The following KAZN variants were observed in gnomAD, a reference collection of about 807,000 sequenced individuals.
The protein encoded by KAZN is kazrin, periplakin interacting protein, also known as kazrin.
A neutral mutation model predicts 87.4 loss-of-function variants in KAZN; 40 were observed. The observed-to-expected ratio is 0.46, with a 90% CI of 0.36 to 0.60. KAZN has a LOEUF of 0.60. KAZN is among the 20% of genes least tolerant of loss of function. KAZN has a pLI of 0.00. For synonymous variants in KAZN, 466 were observed against 458.3 expected (o/e 1.02, Z -0.22); for missense variants, 898 against 1,073.9 (o/e 0.84, Z 2.29).
intron 1 of KAZN, among the ~76,000 whole-genome samples, chr1:14,025,790 G>A (rs913235841): frequency 1.3e-5 from 2 of 151,936 alleles, no homozygotes; most frequent in African/African-American, 4.8e-5. Flanking sequence ...CTACCATATT[G>A]GCTCCAGATC....
intron 1 of KAZN, among the ~76,000 whole-genome samples, chr1:14,835,531 A>G (rs1243279411): frequency 1.3e-5 from 2 of 152,160 alleles, no homozygotes; most frequent in Admixed American, 1.3e-4. Context: ...CAACAGCCCC[A>G]GTAAAGTTAT....
chr1:14,142,737 A>G (rs1033282554), intron 1 of KAZN, among the ~76,000 whole-genome samples: 4 of 152,218 alleles, frequency 2.6e-5, no homozygotes, highest in African/African-American at 7.2e-5. Context: ...GGCCCGCTGC[A>G]GCTGGAGGGC....
intron 2 of KAZN, among the ~76,000 whole-genome samples, chr1:14,969,498 C>G (rs1316277281): frequency 6.6e-6 from 1 of 152,258 alleles, no homozygotes; most frequent in African/African-American, 2.4e-5. Flanking sequence ...GTAGAAGACT[C>G]TTTGCTGGTA....
chr1:14,185,518 G>A (rs1252466824), intron 2 of KAZN, among the ~76,000 whole-genome samples: 3 of 152,170 alleles, frequency 2.0e-5, no homozygotes, highest in African/African-American at 7.2e-5. Flanking sequence ...GTTTGCAAAA[G>A]CAATGCTTAT....
intron 1 of KAZN, among the ~76,000 whole-genome samples, chr1:14,863,819 C>T (rs889867800): frequency 6.6e-6 from 1 of 152,046 alleles, no homozygotes; most frequent in African/African-American, 2.4e-5. Flanking sequence ...GGAGTAGGGG[C>T]ACAGAGGCAT....
intron 1 of KAZN, among the ~76,000 whole-genome samples, chr1:14,934,046 G>A (rs1228247432): frequency 3.3e-5 from 5 of 151,550 alleles, no homozygotes; most frequent in Non-Finnish European, 7.4e-5. Flanking sequence ...TAGTAGAGAC[G>A]GGGTTTCACC....
intron 1 of KAZN, among the ~76,000 whole-genome samples, chr1:14,697,356 GAAAAGA>G (rs1641674591): frequency 6.6e-6 from 1 of 151,892 alleles, no homozygotes; most frequent in African/African-American, 2.4e-5. Context: ...TAAAAATAAA[GAAAAGA>G]AAAAGAAAAG....
At chr1:14,438,599 T>C (rs1365766900) in intron 2 of KAZN, among the ~76,000 whole-genome samples, 1 of 152,126 alleles carries the variant, frequency 6.6e-6, no homozygotes, top group Admixed American at 6.5e-5. Context: ...GGCCAGAGTG[T>C]GGTAAACACA....
At chr1:14,076,279 T>C (rs1382775521) in intron 1 of KAZN, among the ~76,000 whole-genome samples, 1 of 146,046 alleles carries the variant, frequency 6.8e-6, no homozygotes, top group Non-Finnish European at 1.5e-5. Flanking sequence ...AGACTCCGTC[T>C]AAAAAAAAAA....
At position 14,581,973 on chromosome 1, in the gene KAZN, G is replaced by A. The variant is rs141360358; in HGVS notation, c.250-17010G>A. 4.7e-3 allele frequency among the ~76,000 whole-genome samples: 712 copies of A among 151,990 alleles called. 4 individuals are homozygous for A. The highest frequency in any genetic ancestry group is 0.034 in the Middle Eastern group (10 of 294). On this transcript the variant is annotated intron_variant, in intron 2 of 16. Transcript: ENST00000636203. ...ACACATTATATACTTACATTTGTAT[G>A]TAGGCATGTCTACCTCGTACCACCC...
Position 14,501,124 on chromosome 1 carries a change from TAAATAAAA to T in KAZN, c.250-97857_250-97850del, listed in dbSNP as rs1449035916. On this transcript the variant is annotated intron_variant, in intron 2 of 16. Transcript: ENST00000636203. ...ATAAATAAATAAATAAATAAATAAATAAATAAAAATAATAATAAAAGCCCACAATTAAC... is the reference window on the plus strand; with the variant it reads ...ATAAATAAATAAATAAATAAATAAATATAATAATAAAAGCCCACAATTAAC... Among the ~76,000 whole-genome samples the T allele has an allele frequency of 2.1e-3, 242 of 112,808 alleles. 1 individual carries two copies. The highest frequency in any genetic ancestry group is 9.4e-3 in the Middle Eastern group (2 of 212). 74.0% of individuals were successfully genotyped at this position (112,808 alleles called of 152,430 possible). A position where few individuals can be genotyped will look rare whatever the true frequency, so the allele number is the denominator to read the frequency against.
Position 15,021,728 on chromosome 1 carries a change from C to T in KAZN, c.419-13021C>T, listed in dbSNP as rs924349100. Among the ~76,000 whole-genome samples, 3 of 152,180 alleles carry T rather than the reference C, an allele frequency of 2.0e-5. No individual in the cohort carries two copies. Among genetic ancestry groups the T allele is most frequent in the Non-Finnish European group, 2.9e-5 (2 of 68,024 alleles). On this transcript the variant is annotated intron_variant, in intron 2 of 14. Coordinates refer to ENST00000376030, the MANE Select transcript of KAZN (RefSeq NM_201628.3). The surrounding 1 kb of genome is among the most constrained non-coding windows in gnomAD (Gnocchi z 4.2). ...TGGCTCCCTGCAGTCCCTCTTATGA[C>T]GGACACTCTGTCTGCAGGTTTCGGT... is the stretch of plus-strand genomic sequence containing the variant.
chr1:14,823,580 G>A (rs1030383222), intron 1 of KAZN, among the ~76,000 whole-genome samples: 6 of 152,252 alleles, frequency 3.9e-5, no homozygotes, highest in African/African-American at 9.6e-5. Flanking sequence ...GTCCTGAAAC[G>A]CAGGGGACAG....
In KAZN at chr1:14,195,288, T is replaced by C. The variant is rs1043385199; in HGVS notation, c.249+14696T>C. Among the ~76,000 whole-genome samples, 3 of 152,226 alleles carry C rather than the reference T, an allele frequency of 2.0e-5. No homozygotes were observed. In the South Asian group the frequency reaches 6.2e-4, roughly 32 times the overall value. The stretch of plus-strand genomic sequence containing the variant: ...GAGCCCAGGAATTGGCACTATTTTG[T>C]CACTTGTCCCTCCACCCTCCCTTCT... On this transcript the variant is annotated intron_variant, in intron 2 of 16. Coordinates refer to the KAZN transcript ENST00000636203.
intron 2 of KAZN, among the ~76,000 whole-genome samples, chr1:14,298,235 A>C (rs2100769826): frequency 6.6e-6 from 1 of 152,266 alleles, no homozygotes; most frequent in South Asian, 2.1e-4. Context: ...TTAAAAAAGT[A>C]AATTGGTTAA....
intron 2 of KAZN, among the ~76,000 whole-genome samples, chr1:14,286,187 G>C (rs534414187): frequency 8.5e-5 from 13 of 152,122 alleles, no homozygotes; most frequent in African/African-American, 1.4e-4. Flanking sequence ...GGTAGGGTTG[G>C]TTTTTTCTGA....
intron 2 of KAZN, among the ~76,000 whole-genome samples, chr1:14,388,023 G>A (rs374841568): frequency 7.9e-5 from 12 of 152,318 alleles, no homozygotes; most frequent in African/African-American, 1.7e-4. Context: ...CTGGTGTGCC[G>A]TTTTTTAAGC....
intron 1 of KAZN, among the ~76,000 whole-genome samples, chr1:14,670,400 A>AC (rs1323588583): frequency 1.3e-5 from 2 of 152,184 alleles, no homozygotes. Context: ...CTGCTTCAGT[A>AC]GGTCTGAGGT....
intron 1 of KAZN, among the ~76,000 whole-genome samples, chr1:14,152,584 C>T (rs1030166588): frequency 6.6e-6 from 1 of 152,192 alleles, no homozygotes; most frequent in African/African-American, 2.4e-5. Context: ...TTTATCCACT[C>T]ATCTATTGAT....
Sources: allele counts gnomAD v4.1 joint callset (sites outside exome capture counted in the v4.1 genomes callset), GRCh38; gene constraint gnomAD v4.1.1; non-coding constraint Gnocchi (gnomAD v3.1); transcripts MANE v1.5; gene names NCBI Gene and HGNC (gene_info 2026-07-23, HGNC 2026-07-21).